The following UTY variants were observed in gnomAD, a reference collection of about 807,000 sequenced individuals.
UTY encodes the protein ubiquitously transcribed tetratricopeptide repeat containing, Y-linked.
In UTY, 12 loss-of-function variants were observed where a neutral mutation model predicts 32.5. The observed-to-expected ratio is 0.37, with a 90% CI of 0.24 to 0.60. The LOEUF (loss-of-function observed/expected upper bound fraction) is 0.60, where lower values mean the gene tolerates loss of function less well. Among genes scored for constraint, UTY ranks in the 20% least tolerant of loss-of-function variants. The pLI is 0.69. For synonymous variants in UTY, 131 were observed against 103.4 expected, an observed-to-expected ratio of 1.27 and a Z score of -1.62; for missense variants, 303 against 299.2, an observed-to-expected ratio of 1.01 and a Z score of -0.09.
chrY:13,244,653 A>T, downstream of UTY, among the ~76,000 whole-genome samples: 1 of 33,077 alleles, frequency 3.0e-5, no homozygotes, highest in African/African-American at 1.2e-4. Flanking sequence ...CACCATATGG[A>T]CTGGGATACT....
In UTY at chrY:13,355,088, T is replaced by C. The variant is rs773030883; in HGVS notation, c.1976A>G (p.Asn659Ser). The stretch of plus-strand genomic sequence containing the variant: ...ATGATTATGAGGTAGAGTGTGTGTA[T>C]TTTGCTGCAGGTAAGGCACATTTCC... Reference protein sequence around the residue: ...SNGNVPYLQQNTHTLPHNHTD... With the variant: ...SNGNVPYLQQSTHTLPHNHTD... The change falls in exon 17 of 30, where the codon AAT (asparagine) becomes AGT (serine). Residue 659 changes from asparagine to serine, a missense_variant. Transcript: ENST00000545955. 5.5e-5 allele frequency: 22 copies of C among 396,630 alleles called. No homozygotes were observed. The African/African-American group carries it at 1.3e-3, about 24-fold the overall frequency.
At chrY:13,352,489 C>T in intron 17 of UTY, among the ~76,000 whole-genome samples, 2 of 32,558 alleles carry the variant, frequency 6.1e-5, no homozygotes, top group African/African-American at 1.2e-4. Context: ...TTGTAGTTTT[C>T]GTACAGATGG....
intron 6 of UTY, among the ~76,000 whole-genome samples, chrY:13,403,069 T>G: frequency 3.0e-5 from 1 of 32,866 alleles, no homozygotes; most frequent in Non-Finnish European, 7.4e-5. Context: ...TTTCAGACAA[T>G]TCAGAATACA....
intron 27 of UTY, among the ~76,000 whole-genome samples, chrY:13,274,493 T>C (rs908237126): frequency 3.1e-5 from 1 of 32,458 alleles, no homozygotes; most frequent in African/African-American, 1.2e-4. Context: ...TGAAGTATAA[T>C]AATAAAAAAA....
intron 2 of UTY, among the ~76,000 whole-genome samples, chrY:13,473,069 C>T: frequency 6.0e-5 from 2 of 33,384 alleles, no homozygotes; most frequent in African/African-American, 2.3e-4. Context: ...CCAGCCCGCC[C>T]AACATGGTGA....
Position 13,297,841 on chromosome Y carries a change from C to T in UTY, c.3876G>A (p.Gln1292=). Residue 1292 remains glutamine (Q), a synonymous_variant, in exon 27 of 30, where the codon CAG becomes CAA. Coordinates refer to ENST00000545955, the MANE Select transcript of UTY (RefSeq NM_001258249.2). The stretch of plus-strand genomic sequence containing the variant: ...CATACCGTTCCACTGCCAATTTATA[C>T]TGGCAGGCTAGAAGGAAAAAAGCAA... ...AWNVGPLTAC[Q]YKLAVERYEW... 1 of 394,682 alleles carries T rather than the reference C, an allele frequency of 2.5e-6. No individual in the cohort carries two copies. Among genetic ancestry groups the T allele is most frequent in the South Asian group, 3.0e-5 (1 of 33,585 alleles).
chrY:13,250,892 C>T, intron 29 of UTY, 125 bp downstream of exon 29: 1 of 175,757 alleles, frequency 5.7e-6, no homozygotes, highest in Non-Finnish European at 8.8e-6. Context: ...TTTTTCCTTA[C>T]AAAGTATATA....
intron 21 of UTY, among the ~76,000 whole-genome samples, chrY:13,309,245 AATG>A (rs2058867466): frequency 8.9e-5 from 3 of 33,821 alleles, no homozygotes; most frequent in African/African-American, 3.4e-4. Flanking sequence ...CCAAATGGTC[AATG>A]AAGAAGCCCC....
At chrY:13,331,637 T>C (rs2060703232) in intron 18 of UTY, among the ~76,000 whole-genome samples, 1 of 33,576 alleles carries the variant, frequency 3.0e-5, no homozygotes, top group Non-Finnish European at 7.4e-5. Context: ...AACAAACTCA[T>C]CTGAGCTAAA....
At chrY:13,347,640 A>G in intron 17 of UTY, among the ~76,000 whole-genome samples, 1 of 32,218 alleles carries the variant, frequency 3.1e-5, no homozygotes, top group South Asian at 7.2e-4. Flanking sequence ...GAGAATGGCA[A>G]GAACCCGGGA....
chrY:13,431,891 T>C, intron 4 of UTY, among the ~76,000 whole-genome samples: 2 of 32,437 alleles, frequency 6.2e-5, no homozygotes, highest in African/African-American at 2.4e-4. Context: ...ACCTAAACGC[T>C]CCCCCCAAAA....
chrY:13,285,937 C>T, intron 27 of UTY, among the ~76,000 whole-genome samples: 1 of 33,847 alleles, frequency 3.0e-5, no homozygotes, highest in Admixed American at 2.6e-4. Flanking sequence ...CCCTAAACCC[C>T]GCCACCTTGC....
At chrY:13,437,427 T>C (rs2074710681) in intron 4 of UTY, among the ~76,000 whole-genome samples, 1 of 34,019 alleles carries the variant, frequency 2.9e-5, no homozygotes, top group Non-Finnish European at 7.3e-5. Flanking sequence ...TTTCGACTCA[T>C]AGTCCTACCT....
intron 10 of UTY, among the ~76,000 whole-genome samples, chrY:13,364,490 G>A (rs2063887685): frequency 9.1e-5 from 3 of 32,989 alleles, no homozygotes; most frequent in Non-Finnish European, 2.2e-4. Flanking sequence ...TCAGTCTCCA[G>A]AGCAGCTGGT....
chrY:13,293,049 TTATC>T (rs2057842152), intron 27 of UTY, among the ~76,000 whole-genome samples: 1 of 34,055 alleles, frequency 2.9e-5, no homozygotes, highest in African/African-American at 1.1e-4. Context: ...AACTACATGA[TTATC>T]TAAACAGATC....
intron 6 of UTY, among the ~76,000 whole-genome samples, chrY:13,404,319 TA>T (rs2069542273): frequency 6.2e-5 from 2 of 32,401 alleles, no homozygotes; most frequent in Non-Finnish European, 1.5e-4. Flanking sequence ...GAAAGAGTTC[TA>T]AAAAATGCAT....
intron 28 of UTY, among the ~76,000 whole-genome samples, chrY:13,241,770 T>C (rs956788887): frequency 3.0e-5 from 1 of 33,737 alleles, no homozygotes; most frequent in Non-Finnish European, 7.4e-5. Flanking sequence ...TCTGGAAACA[T>C]ATAAACTAGC....
intron 28 of UTY, among the ~76,000 whole-genome samples, chrY:13,255,614 G>T (rs2054653378): frequency 6.0e-5 from 2 of 33,343 alleles, no homozygotes; most frequent in Admixed American, 5.5e-4. Flanking sequence ...GGAGAATGCT[G>T]ACTTAAGAGC....
intron 28 of UTY, among the ~76,000 whole-genome samples, chrY:13,256,894 G>C (rs752386176): frequency 5.9e-5 from 2 of 33,975 alleles, no homozygotes; most frequent in East Asian, 1.5e-3. Flanking sequence ...CCTTTGAAGG[G>C]AATCAAATGG....
Sources: allele counts gnomAD v4.1 joint callset (sites outside exome capture counted in the v4.1 genomes callset), GRCh38; gene constraint gnomAD v4.1.1; transcripts MANE v1.5; gene names NCBI Gene and HGNC (gene_info 2026-07-23, HGNC 2026-07-21).